MID1: variants seen among roughly 807,000 people sequenced by gnomAD.
The protein encoded by MID1 is E3 ubiquitin-protein ligase Midline-1.
In MID1, 7 loss-of-function variants were observed where a neutral mutation model predicts 40.4. The ratio of observed to expected loss-of-function variants is 0.17; its 90% CI spans 0.10 to 0.33. The LOEUF is 0.33. MID1 is among the 10% of genes least tolerant of loss of function. The pLI is 1.00. For synonymous variants in MID1, 229 were observed against 221.2 expected, an observed-to-expected ratio of 1.04 and a Z score of -0.31; for missense variants, 367 against 558.5, an observed-to-expected ratio of 0.66 and a Z score of 3.46.
chrX:10,719,460 G>C (rs2043332210), intron 1 of MID1, among the ~76,000 whole-genome samples: 1 of 110,867 alleles, frequency 9.0e-6, no homozygotes, highest in Non-Finnish European at 1.9e-5. Context: ...GCTTCAAAGA[G>C]AATAAAAAAC....
chrX:10,483,514 A>G (rs7891302), intron 4 of MID1, among the ~76,000 whole-genome samples: 7,872 of 111,974 alleles, frequency 0.07, 574 homozygotes, highest in African/African-American at 0.22. Flanking sequence ...GAAGTCCTCT[A>G]GCCAGAAGCC....
intron 1 of MID1, among the ~76,000 whole-genome samples, chrX:10,589,037 C>G (rs1365351371): frequency 2.7e-5 from 3 of 111,459 alleles, no homozygotes; most frequent in Non-Finnish European, 3.8e-5. Context: ...TTCTTTGAGA[C>G]AAAACACCAT....
intron 1 of MID1, among the ~76,000 whole-genome samples, chrX:10,794,788 T>C (rs1382067615): frequency 8.9e-6 from 1 of 112,431 alleles, no homozygotes. Context: ...AGAAAGGACA[T>C]GACTGCATTA....
intron 1 of MID1, among the ~76,000 whole-genome samples, chrX:10,816,943 A>C (rs2044139273): frequency 9.0e-6 from 1 of 111,724 alleles, no homozygotes; most frequent in Non-Finnish European, 1.9e-5. Flanking sequence ...AGTGGGCCCC[A>C]GCATTTTTAC....
intron 1 of MID1, among the ~76,000 whole-genome samples, chrX:10,586,391 C>A (rs769793978): frequency 9.0e-6 from 1 of 111,220 alleles, no homozygotes; most frequent in Admixed American, 9.5e-5. Flanking sequence ...CAAGGGTTGG[C>A]GAAGCTGCTC....
At chrX:10,814,675 T>C (rs2044124458) in intron 1 of MID1, among the ~76,000 whole-genome samples, 1 of 110,868 alleles carries the variant, frequency 9.0e-6, no homozygotes. Context: ...CCCTGTGTTG[T>C]CCTTTCATAA....
At chrX:10,479,062 G>A (rs1243104096) in intron 5 of MID1, among the ~76,000 whole-genome samples, 1 of 112,129 alleles carries the variant, frequency 8.9e-6, no homozygotes, top group African/African-American at 3.2e-5. Flanking sequence ...ATGTTGAAAC[G>A]TGAAAACAGA....
At chrX:10,489,839 G>T (rs1356082675) in intron 4 of MID1, among the ~76,000 whole-genome samples, 1 of 109,739 alleles carries the variant, frequency 9.1e-6, no homozygotes, top group African/African-American at 3.3e-5. Context: ...GGGACTACAG[G>T]CTCCTGCCAC....
At chrX:10,696,137 G>A (rs1459470431) in intron 1 of MID1, among the ~76,000 whole-genome samples, 1 of 111,527 alleles carries the variant, frequency 9.0e-6, no homozygotes, top group Non-Finnish European at 1.9e-5. Flanking sequence ...AAGATCTCAG[G>A]AGTTGGGCGA....
intron 3 of MID1, 129 bp downstream of exon 3, chrX:10,522,963 T>C: frequency 3.7e-6 from 2 of 547,066 alleles, no homozygotes; most frequent in Non-Finnish European, 6.2e-6. Context: ...ATCTTTTATT[T>C]TGGCTTTTGC....
chrX:10,761,361 T>G (rs879104216), intron 1 of MID1, among the ~76,000 whole-genome samples: 1 of 112,116 alleles, frequency 8.9e-6, no homozygotes, highest in Admixed American at 9.5e-5. Context: ...AATGATGCAG[T>G]ATTCAACTGG....
intron 2 of MID1, among the ~76,000 whole-genome samples, chrX:10,564,849 C>T (rs1368117778): frequency 1.8e-5 from 2 of 110,549 alleles, no homozygotes; most frequent in East Asian, 5.6e-4. Context: ...AACAAACAAT[C>T]ATTAAAAGGT....
intron 1 of MID1, among the ~76,000 whole-genome samples, chrX:10,812,058 G>A (rs1243444073): frequency 1.8e-5 from 2 of 111,461 alleles, no homozygotes; most frequent in African/African-American, 6.5e-5. Flanking sequence ...TTGAAAATCT[G>A]GGAATCAATG....
At chrX:10,780,017 G>C (rs2043834156) in intron 1 of MID1, among the ~76,000 whole-genome samples, 1 of 110,023 alleles carries the variant, frequency 9.1e-6, no homozygotes, top group Non-Finnish European at 1.9e-5. Flanking sequence ...GAGGGCAGTG[G>C]TGTGATCTTG....
chrX:10,662,052 C>G (rs2042917477), intron 1 of MID1, among the ~76,000 whole-genome samples: 1 of 111,960 alleles, frequency 8.9e-6, no homozygotes, highest in Admixed American at 9.5e-5. Flanking sequence ...CGCCTGTAAT[C>G]CCAGCACTTT....
chrX:10,552,711 A>AT (rs1933962791), intron 2 of MID1, among the ~76,000 whole-genome samples: 1 of 111,206 alleles, frequency 9.0e-6, no homozygotes, highest in Non-Finnish European at 1.9e-5. Flanking sequence ...AAAATTTAGA[A>AT]TAACGGGGTA....
At chrX:10,609,389 C>T (rs1454548804) in intron 1 of MID1, among the ~76,000 whole-genome samples, 1 of 111,841 alleles carries the variant, frequency 8.9e-6, no homozygotes, top group Non-Finnish European at 1.9e-5. Flanking sequence ...TTTTAAGTGC[C>T]TAGTATGTAA....
intron 1 of MID1, among the ~76,000 whole-genome samples, chrX:10,667,566 T>C (rs1452250946): frequency 1.8e-5 from 2 of 112,045 alleles, no homozygotes; most frequent in Middle Eastern, 4.6e-3. Context: ...AAAAAGAGAA[T>C]TCATAATGTT....
At chrX:10,708,030 T>A (rs759436787) in intron 1 of MID1, among the ~76,000 whole-genome samples, 15 of 112,826 alleles carry the variant, frequency 1.3e-4, no homozygotes, top group Non-Finnish European at 2.6e-4. Context: ...TAGAGCCATG[T>A]GAATGAATCT....
Sources: allele counts gnomAD v4.1 joint callset (sites outside exome capture counted in the v4.1 genomes callset), GRCh38; gene constraint gnomAD v4.1.1; transcripts MANE v1.5; gene names NCBI Gene and HGNC (gene_info 2026-07-23, HGNC 2026-07-21).